The following MARVELD2 variants were observed in gnomAD, a reference collection of about 807,000 sequenced individuals.
MARVELD2 encodes the protein MARVEL domain-containing protein 2.
Under a neutral mutation model 57.6 loss-of-function variants are expected in MARVELD2, and 49 were observed. The ratio of observed to expected loss-of-function variants is 0.85; its 90% CI spans 0.68 to 1.08. MARVELD2 has a LOEUF of 1.08. Ranked by LOEUF, MARVELD2 falls within the 50% of genes least tolerant of loss-of-function variation. The probability of loss-of-function intolerance (pLI) is 0.00; values close to 1 mark genes in which losing one functional copy is unlikely to be tolerated. For missense variants in MARVELD2, 606 were observed against 701.1 expected (o/e 0.86, Z 1.53); for synonymous variants, 238 against 258.8 (o/e 0.92, Z 0.77).
intron 2 of MARVELD2, among the ~76,000 whole-genome samples, chr5:69,422,656 C>T (rs1766665974): frequency 6.6e-6 from 1 of 152,094 alleles, no homozygotes; most frequent in Non-Finnish European, 1.5e-5. Flanking sequence ...CCTCCATTTG[C>T]CTTGTGATAT....
At chr5:69,424,505 A>C in intron 2 of MARVELD2, 96 bp from the exon 3 acceptor site, 1 of 1,011,870 alleles carries the variant, frequency 9.9e-7, no homozygotes, top group Non-Finnish European at 1.6e-6. Flanking sequence ...TCAACCTCTT[A>C]AAATTGAGGT....
chr5:69,439,435 A>G (rs1767261053), intron 5 of MARVELD2, among the ~76,000 whole-genome samples: 1 of 151,822 alleles, frequency 6.6e-6, no homozygotes, highest in East Asian at 2.0e-4. Flanking sequence ...TGCTGGGATT[A>G]CAGGTGTAGG....
At chr5:69,432,714 G>C (rs1260324959) in intron 4 of MARVELD2, 39 bp downstream of exon 4, 5 of 1,613,688 alleles carry the variant, frequency 3.1e-6, no homozygotes, top group Non-Finnish European at 4.2e-6. Flanking sequence ...GGTAGAAGTT[G>C]AGGGGCCCCA....
chr5:69,440,634 T>C (rs1767299624), intron 6 of MARVELD2, 134 bp downstream of exon 6: 2 of 614,820 alleles, frequency 3.3e-6, no homozygotes, highest in Admixed American at 5.7e-5. Flanking sequence ...AGAAAATGGC[T>C]GCTGGATGCC....
rs35663517 is a variant in MARVELD2 at position 69,436,452 on chromosome 5, C to CAT, written c.1503+3367_1503+3368dup. Among the ~76,000 whole-genome samples, 63 of 69,532 alleles carry CAT rather than the reference C, an allele frequency of 9.1e-4. No individual in the cohort carries two copies. In the East Asian group the frequency reaches 0.021, roughly 23 times the overall value. 45.6% of individuals were successfully genotyped at this position (69,532 alleles called of 152,430 possible). A position where few individuals can be genotyped will look rare whatever the true frequency, so the allele number is the denominator to read the frequency against. ...ACACACACACACACACACACACACA[C>CAT]ATATATATAAATTTTTTACCTGAGA... On this transcript the variant is annotated intron_variant, in intron 5 of 6. Transcript: ENST00000325631.
intron 5 of MARVELD2, among the ~76,000 whole-genome samples, chr5:69,437,407 G>T (rs763462903): frequency 3.0e-4 from 44 of 146,708 alleles, no homozygotes; most frequent in Non-Finnish European, 5.7e-4. Flanking sequence ...AAAAAAAGCT[G>T]GGTGCGGTGG....
At chr5:69,424,557 C>T (rs771234451) in intron 2 of MARVELD2, 44 bp from the exon 3 acceptor site, 3 of 1,534,972 alleles carry the variant, frequency 2.0e-6, no homozygotes, top group Non-Finnish European at 2.7e-6. Flanking sequence ...TGCAAAGTAG[C>T]TTCACATGCC....
At chr5:69,436,177 A>C (rs1018318999) in intron 5 of MARVELD2, among the ~76,000 whole-genome samples, 1 of 152,060 alleles carries the variant, frequency 6.6e-6, no homozygotes, top group Non-Finnish European at 1.5e-5. Context: ...TGTATGATTA[A>C]ATTTTAAAAA....
intron 6 of MARVELD2, 85 bp downstream of exon 6, chr5:69,440,585 A>G: frequency 1.2e-6 from 1 of 823,220 alleles, no homozygotes; most frequent in South Asian, 1.5e-5. Context: ...GTTAGCTAAA[A>G]TAGTTCCTTT....
In MARVELD2 at chr5:69,419,970, A is replaced by C. The variant is rs144870558; in HGVS notation, c.585A>C (p.Ile195=). 1 of 1,614,094 alleles carries C rather than the reference A, an allele frequency of 6.2e-7. No homozygotes were observed. The highest frequency in any genetic ancestry group is 8.5e-7 in the Non-Finnish European group (1 of 1,180,024). Residue 195 remains isoleucine, a synonymous_variant, in exon 2 of 7, where the codon ATA becomes ATC. Transcript: ENST00000325631. ...YMKSWAGLLR[I]LGVVELLLGA... ...AGTCGTGGGCAGGCCTGCTGAGAATACTGGGTGTGGTGGAGCTGCTTTTGG... is the reference window on the plus strand; with the variant it reads ...AGTCGTGGGCAGGCCTGCTGAGAATCCTGGGTGTGGTGGAGCTGCTTTTGG...
intron 5 of MARVELD2, among the ~76,000 whole-genome samples, chr5:69,435,125 G>A (rs996625845): frequency 1.3e-5 from 2 of 150,676 alleles, no homozygotes; most frequent in South Asian, 2.1e-4. Flanking sequence ...CAGGTTACGC[G>A]ATTCTCCTGC....
intron 1 of MARVELD2, among the ~76,000 whole-genome samples, chr5:69,416,991 A>C (rs1485253442): frequency 2.6e-5 from 4 of 152,194 alleles, no homozygotes; most frequent in African/African-American, 9.7e-5. Flanking sequence ...GTGGTTTTCA[A>C]GGCCCTACAT....
intron 1 of MARVELD2, chr5:69,418,982 C>G (rs1766510917): frequency 5.3e-6 from 1 of 189,906 alleles, no homozygotes; most frequent in African/African-American, 2.4e-5. Context: ...GGCTGGAGTG[C>G]AGTGGCGCAA....
intron 5 of MARVELD2, among the ~76,000 whole-genome samples, chr5:69,438,879 T>TC (rs1767238556): frequency 6.6e-6 from 1 of 150,460 alleles, no homozygotes; most frequent in Non-Finnish European, 1.5e-5. Context: ...GAATTGAGAC[T>TC]CCATCTCAAA....
chr5:69,428,836 T>C (rs982829852), intron 3 of MARVELD2, among the ~76,000 whole-genome samples: 3 of 152,096 alleles, frequency 2.0e-5, no homozygotes, highest in Non-Finnish European at 4.4e-5. Flanking sequence ...AGTTAAACCA[T>C]GTGTCCATAT....
intron 1 of MARVELD2, chr5:69,419,066 C>T (rs1766514121): frequency 2.4e-6 from 1 of 420,044 alleles, no homozygotes; most frequent in Non-Finnish European, 4.4e-6. Context: ...GCTGGGATCA[C>T]AGGCGCATGC....
intron 3 of MARVELD2, among the ~76,000 whole-genome samples, chr5:69,432,064 G>A (rs965943327): frequency 7.3e-5 from 11 of 151,702 alleles, no homozygotes; most frequent in South Asian, 2.1e-4. Context: ...AAGCTGGAGT[G>A]CAGTGGTACA....
intron 5 of MARVELD2, among the ~76,000 whole-genome samples, chr5:69,437,696 CAA>C (rs1387497909): frequency 6.7e-6 from 1 of 150,084 alleles, no homozygotes; most frequent in East Asian, 2.0e-4. Context: ...AAAAAAAAAA[CAA>C]AGAAAATCTT....
In MARVELD2 at chr5:69,419,510, G is replaced by A; in HGVS notation, c.125G>A (p.Ser42Asn). The A allele has an allele frequency of 1.2e-6, 2 of 1,614,150 alleles. No homozygotes were observed. The highest frequency in any genetic ancestry group is 1.7e-6 in the Non-Finnish European group (2 of 1,180,034). Residue 42 changes from serine to asparagine, a missense_variant, in exon 2 of 7, where the codon AGC becomes AAC. Ser to Asn is a conservative substitution (Grantham distance 46, BLOSUM62 1). Transcript: ENST00000325631. ...PTLHDSERAV[S>N]ADPLPPPPLP... is the part of the protein sequence containing the mutation. ...CTTCATGACAGTGAGCGGGCAGTGAGCGCTGATCCCTTGCCACCACCCCCT... is the reference window on the plus strand; with the variant it reads ...CTTCATGACAGTGAGCGGGCAGTGAACGCTGATCCCTTGCCACCACCCCCT...
Sources: gnomAD v4.1 joint callset for allele counts (sites outside exome capture counted in the v4.1 genomes callset) on GRCh38, gnomAD v4.1.1 for gene constraint, MANE v1.5 for transcripts, NCBI Gene and HGNC (gene_info 2026-07-23, HGNC 2026-07-21) for gene names.